The following LRP2 variants were observed in gnomAD, a reference collection of about 807,000 sequenced individuals.
LRP2 encodes LDL receptor related protein 2.
In LRP2, 172 loss-of-function variants were observed where a neutral mutation model predicts 531.0. The observed-to-expected ratio is 0.32, with a 90% CI of 0.29 to 0.37. The LOEUF is 0.37. LRP2 is among the 10% of genes least tolerant of loss of function. The pLI is 1.00. For missense variants in LRP2, 5,167 were observed against 5,868.3 expected (o/e 0.88, Z 3.90); for synonymous variants, 1,992 against 2,027.6 (o/e 0.98, Z 0.47).
At chr2:169,361,368 C>G (rs1264658916) in intron 1 of LRP2, among the ~76,000 whole-genome samples, 3 of 102,760 alleles carry the variant, frequency 2.9e-5, no homozygotes, top group African/African-American at 8.8e-5. Flanking sequence ...CTCTCTCTCT[C>G]TCTCTCTCCC....
At chr2:169,326,171 TCCCCCTCTCCCCTCTCCCCTCTCCCC>T (rs1685048678) in intron 1 of LRP2, among the ~76,000 whole-genome samples, 1 of 20,440 alleles carries the variant, frequency 4.9e-5, no homozygotes, top group African/African-American at 3.6e-4. Flanking sequence ...TCCCTCTCCC[TCCCCCTCTCCCCTCTCCCCTCTCCCC>T]TCTCCCCTCT....
rs831003 is a variant in LRP2 at position 169,277,681 on chromosome 2, G to C, written c.1772+64C>G. 1,088,335 of 1,405,144 alleles carry C rather than the reference G, an allele frequency of 0.77. 423,772 individuals carry two copies. The highest frequency in any genetic ancestry group is 0.9 in the East Asian group (39,221 of 43,528). The allele number at this position is 1,405,144 out of a possible 1,614,324, so 87.0% of individuals were successfully genotyped here. ...AATTCTGGTCCTTTGATATTTCTCT[G>C]CAGCCATTTTATGCACTTTCCCTGC... is the stretch of plus-strand genomic sequence containing the variant. On this transcript the variant is annotated intron_variant, in intron 13 of 78. Coordinates refer to ENST00000649046, the MANE Select transcript of LRP2 (RefSeq NM_004525.3).
At chr2:169,279,031 T>C (rs1308849956) in intron 12 of LRP2, among the ~76,000 whole-genome samples, 1 of 152,220 alleles carries the variant, frequency 6.6e-6, no homozygotes, top group Non-Finnish European at 1.5e-5. Context: ...AAGTGATGTT[T>C]AGTTGTAATA....
In LRP2 at chr2:169,273,125, C is replaced by A; in HGVS notation, c.1976-58G>T. 7.5e-6 allele frequency: 12 copies of A among 1,597,890 alleles called. No individual in the cohort carries two copies. In the South Asian group the frequency reaches 1.3e-4, roughly 18 times the overall value. On this transcript the variant is annotated intron_variant, in intron 14 of 78. Transcript: ENST00000649046. ...ATTAGAAATGTGTAATTATCCAAGA[C>A]ATGAAGCCACTTCTAGCCCTTTTCA... is the stretch of plus-strand genomic sequence containing the variant.
chr2:169,193,482 T>C (rs1687901151), intron 47 of LRP2, among the ~76,000 whole-genome samples: 1 of 148,974 alleles, frequency 6.7e-6, no homozygotes, highest in Admixed American at 6.7e-5. Flanking sequence ...GACAACCAAG[T>C]ATTTGTGGGT....
At chr2:169,263,892 T>C (rs1264735871) in intron 16 of LRP2, among the ~76,000 whole-genome samples, 11 of 152,076 alleles carry the variant, frequency 7.2e-5, no homozygotes, top group Non-Finnish European at 1.3e-4. Flanking sequence ...GTGGCACATA[T>C]ATGCCATGGA....
chr2:169,336,646 C>T (rs1685413646), intron 1 of LRP2, among the ~76,000 whole-genome samples: 1 of 152,170 alleles, frequency 6.6e-6, no homozygotes, highest in Non-Finnish European at 1.5e-5. Flanking sequence ...CCTTACCACC[C>T]TCCAAAGTAT....
chr2:169,189,082 T>C (rs1016571602), intron 48 of LRP2, among the ~76,000 whole-genome samples: 2 of 152,174 alleles, frequency 1.3e-5, no homozygotes, highest in Admixed American at 1.3e-4. Context: ...TGGCCTTTCT[T>C]CTCCATATTA....
At chr2:169,240,465 A>G (rs566682458) in intron 25 of LRP2, among the ~76,000 whole-genome samples, 27 of 152,328 alleles carry the variant, frequency 1.8e-4, no homozygotes, top group Admixed American at 1.4e-3. Flanking sequence ...AACACAACAC[A>G]TATGAAATCA....
chr2:169,163,942 A>C (rs1025101848), intron 62 of LRP2, among the ~76,000 whole-genome samples: 1 of 151,966 alleles, frequency 6.6e-6, no homozygotes, highest in East Asian at 1.9e-4. Context: ...ATCAATAAAT[A>C]CCCTCCACTC....
chr2:169,362,227 G>A, intron 1 of LRP2, 94 bp downstream of exon 1: 3 of 1,123,654 alleles, frequency 2.7e-6, no homozygotes, highest in Non-Finnish European at 3.8e-6. Flanking sequence ...CCTAGCCCCT[G>A]CCCGGACGCT....
intron 76 of LRP2, among the ~76,000 whole-genome samples, chr2:169,136,894 A>G (rs1042611515): frequency 6.6e-6 from 1 of 152,194 alleles, no homozygotes; most frequent in African/African-American, 2.4e-5. Context: ...TACTTTTCAG[A>G]AAAGTATGGC....
chr2:169,230,445 A>G (rs917794306), intron 31 of LRP2, among the ~76,000 whole-genome samples: 1 of 152,246 alleles, frequency 6.6e-6, no homozygotes, highest in Non-Finnish European at 1.5e-5. Context: ...CATCTGCATA[A>G]TATCTAAACA....
At chr2:169,360,038 T>C (rs1686102268) in intron 1 of LRP2, among the ~76,000 whole-genome samples, 1 of 149,674 alleles carries the variant, frequency 6.7e-6, no homozygotes, top group Non-Finnish European at 1.5e-5. Flanking sequence ...GGTGTGAGGA[T>C]CGCTTGAACC....
intron 28 of LRP2, among the ~76,000 whole-genome samples, chr2:169,236,464 ATCATAAATTTCAGTGGTGTGTAAT>A (rs1689609038): frequency 6.6e-6 from 1 of 152,236 alleles, no homozygotes; most frequent in African/African-American, 2.4e-5. Flanking sequence ...TCAGGAATTC[ATCATAAATTTCAGTGGTGTGTAAT>A]ACTTTACAAT....
intron 1 of LRP2, among the ~76,000 whole-genome samples, chr2:169,327,547 C>A: frequency 1.5e-5 from 2 of 130,978 alleles, no homozygotes; most frequent in Non-Finnish European, 1.7e-5. Context: ...GGTCAGCCCC[C>A]CGCCCGGCCA....
chr2:169,295,764 T>G (rs542470414), intron 4 of LRP2, among the ~76,000 whole-genome samples: 1 of 152,302 alleles, frequency 6.6e-6, no homozygotes, highest in East Asian at 1.9e-4. Flanking sequence ...CAGGTGAACA[T>G]TTTAGTTCAT....
chr2:169,202,879 T>G lies in LRP2; in HGVS notation c.8086A>C (p.Asn2696His), dbSNP rs756528854. ...GAAGATGCACCACATCGTTCACCATTGTCCACAATGCAGTGCTTCCTGTTG... is the reference window on the plus strand; with the variant it reads ...GAAGATGCACCACATCGTTCACCATGGTCCACAATGCAGTGCTTCCTGTTG... ...ANNRKHCIVD[N>H]GERCGASSFT... The change falls in exon 43 of 79, where the codon AAT (asparagine) becomes CAT (histidine). Residue 2696 changes from asparagine (N) to histidine (H), a missense_variant. This residue lies in a region of LRP2 where 1,129 missense variants were observed against 1,362.7 expected (regional missense o/e 0.83). Transcript: ENST00000649046. 1 of 1,614,212 alleles carries G rather than the reference T, an allele frequency of 6.2e-7. No individual in the cohort carries two copies. The highest frequency in any genetic ancestry group is 2.2e-5 in the East Asian group (1 of 44,880).
Position 169,140,706 on chromosome 2 carries a change from A to C in LRP2, c.13109-161T>G, listed in dbSNP as rs187598484. Among the ~76,000 whole-genome samples the C allele has an allele frequency of 4.7e-4, 72 of 152,294 alleles. 1 individual carries two copies. The highest frequency in any genetic ancestry group is 1.3e-3 in the African/African-American group (55 of 41,558). On this transcript the variant is annotated intron_variant, in intron 71 of 78. Coordinates refer to ENST00000649046, the MANE Select transcript of LRP2 (RefSeq NM_004525.3). ...CCCCTAAGTCCAGTGAGTTTCCTTA[A>C]GGTCTTGGAGAGTAACATACATTTA...
Sources: allele counts gnomAD v4.1 joint callset (sites outside exome capture counted in the v4.1 genomes callset), GRCh38; gene constraint gnomAD v4.1.1; regional missense constraint gnomAD v4.1.1; transcripts MANE v1.5; gene names NCBI Gene and HGNC (gene_info 2026-07-23, HGNC 2026-07-21).